MSN: variants seen among roughly 807,000 people sequenced by gnomAD.
MSN encodes the protein epididymis luminal protein 70.
A neutral mutation model predicts 48.0 loss-of-function variants in MSN; 2 were observed. The observed-to-expected ratio is 0.04, with a 90% CI of 0.02 to 0.13. The LOEUF (loss-of-function observed/expected upper bound fraction) is 0.13, where lower values mean the gene tolerates loss of function less well. Among genes scored for constraint, MSN ranks in the 10% least tolerant of loss-of-function variants. The probability of loss-of-function intolerance (pLI) is 1.00; values close to 1 mark genes in which losing one functional copy is unlikely to be tolerated. For missense variants in MSN, 267 were observed against 470.1 expected, an observed-to-expected ratio of 0.57 and a Z score of 3.99; for synonymous variants, 146 against 166.9, an observed-to-expected ratio of 0.87 and a Z score of 0.97.
chrX:65,677,313 G>A, intron 1 of MSN, among the ~76,000 whole-genome samples: 1 of 112,288 alleles, frequency 8.9e-6, no homozygotes, highest in Middle Eastern at 4.6e-3. Flanking sequence ...CTATTTTCAA[G>A]GGTTTTAAGT....
chrX:65,628,766 T>C (rs1446401375), intron 1 of MSN, among the ~76,000 whole-genome samples: 1 of 111,326 alleles, frequency 9.0e-6, no homozygotes, highest in Non-Finnish European at 1.9e-5. Context: ...GTTTCCTTTT[T>C]AAAACAGAAT....
intron 1 of MSN, among the ~76,000 whole-genome samples, chrX:65,684,660 A>G (rs1480299284): frequency 1.8e-5 from 2 of 110,084 alleles, no homozygotes; most frequent in African/African-American, 6.6e-5. Context: ...CTGGTCTCGA[A>G]CTCCTGACCT....
intron 4 of MSN, 91 bp downstream of exon 4, chrX:65,729,803 GTTC>G: frequency 2.1e-6 from 2 of 967,800 alleles, no homozygotes; most frequent in Non-Finnish European, 2.8e-6. Context: ...TGCCAGATCT[GTTC>G]TTCTCCATTG....
chrX:65,716,538 A>G (rs2071466987), intron 1 of MSN: 1 of 374,656 alleles, frequency 2.7e-6, no homozygotes, highest in Non-Finnish European at 5.0e-6. Context: ...GGCCTCCCAA[A>G]GTGCTGGGAT....
At chrX:65,646,622 G>A (rs2070696387) in intron 1 of MSN, among the ~76,000 whole-genome samples, 1 of 111,953 alleles carries the variant, frequency 8.9e-6, no homozygotes, top group Non-Finnish European at 1.9e-5. Flanking sequence ...ACTATAAGCA[G>A]TTTCTCATTA....
chrX:65,654,362 C>T (rs1200541190), intron 1 of MSN, among the ~76,000 whole-genome samples: 3 of 109,311 alleles, frequency 2.7e-5, no homozygotes, highest in Admixed American at 9.9e-5. Context: ...ACCTCGTGAT[C>T]GGCCCTCCTC....
At chrX:65,686,301 T>C (rs2071114391) in intron 1 of MSN, among the ~76,000 whole-genome samples, 1 of 112,606 alleles carries the variant, frequency 8.9e-6, no homozygotes, top group Non-Finnish European at 1.9e-5. Context: ...CCCACCTTTC[T>C]CTTGCCTTTT....
intron 1 of MSN, among the ~76,000 whole-genome samples, chrX:65,612,550 A>G (rs1422334620): frequency 4.9e-5 from 1 of 20,249 alleles, no homozygotes; most frequent in Non-Finnish European, 9.4e-5. Flanking sequence ...GTTTCTTCGT[A>G]ATGGTTTTTT....
At chrX:65,709,670 G>A (rs1256721562) in intron 1 of MSN, among the ~76,000 whole-genome samples, 3 of 112,574 alleles carry the variant, frequency 2.7e-5, no homozygotes, top group Non-Finnish European at 5.6e-5. Flanking sequence ...CGTACTTTGG[G>A]CCAGCACTGG....
At chrX:65,594,385 G>A (rs1464353632) in intron 1 of MSN, among the ~76,000 whole-genome samples, 1 of 110,182 alleles carries the variant, frequency 9.1e-6, no homozygotes, top group Non-Finnish European at 1.9e-5. Context: ...CCCTGTTCTA[G>A]GCAGCAGCAA....
chrX:65,683,480 A>G (rs1027825353), intron 1 of MSN, among the ~76,000 whole-genome samples: 2 of 95,421 alleles, frequency 2.1e-5, no homozygotes, highest in Non-Finnish European at 4.0e-5. Flanking sequence ...TTATCTTTGC[A>G]GACTTGGTAT....
chrX:65,634,548 G>A (rs748905166), intron 1 of MSN, among the ~76,000 whole-genome samples: 4 of 110,974 alleles, frequency 3.6e-5, no homozygotes, highest in Non-Finnish European at 5.7e-5. Flanking sequence ...GGGAGGCAGA[G>A]GTTGTAGTGA....
intron 2 of MSN, among the ~76,000 whole-genome samples, chrX:65,727,126 G>A (rs1192089349): frequency 8.9e-6 from 1 of 111,851 alleles, no homozygotes; most frequent in African/African-American, 3.3e-5. Context: ...TCAGAACCCA[G>A]GCACAGCATG....
intron 1 of MSN, among the ~76,000 whole-genome samples, chrX:65,660,808 G>A (rs1441882365): frequency 3.6e-5 from 4 of 110,247 alleles, no homozygotes; most frequent in Admixed American, 9.7e-5. Flanking sequence ...CTCGTGATCC[G>A]CCCACCTCGG....
intron 2 of MSN, among the ~76,000 whole-genome samples, chrX:65,721,609 TC>T (rs2071517365): frequency 9.0e-6 from 1 of 111,329 alleles, no homozygotes; most frequent in Admixed American, 9.6e-5. Flanking sequence ...TAGGAGGATC[TC>T]CATCTTACAG....
At chrX:65,636,747 C>CAAA (rs1219240320) in intron 1 of MSN, among the ~76,000 whole-genome samples, 548 of 6,332 alleles carry the variant, frequency 0.087, 148 homozygotes, top group African/African-American at 0.2. Context: ...AACTCCATCT[C>CAAA]AAAAAAAAAA....
At chrX:65,610,354 T>A (rs764876200) in intron 1 of MSN, among the ~76,000 whole-genome samples, 4 of 112,732 alleles carry the variant, frequency 3.5e-5, no homozygotes, top group Non-Finnish European at 5.6e-5. Flanking sequence ...TGTCTTTATA[T>A]AATATTTGTC....
At chrX:65,670,713 A>C (rs1382550974) in intron 1 of MSN, among the ~76,000 whole-genome samples, 1 of 104,515 alleles carries the variant, frequency 9.6e-6, no homozygotes, top group Non-Finnish European at 2.0e-5. Flanking sequence ...ACAGAGTGAG[A>C]CTCCATCTCA....
At chrX:65,606,399 T>G (rs1459018791) in intron 1 of MSN, among the ~76,000 whole-genome samples, 1 of 109,979 alleles carries the variant, frequency 9.1e-6, no homozygotes, top group Non-Finnish European at 1.9e-5. Context: ...AGTACTGGGA[T>G]TACAGGTGTG....
Sources: allele counts gnomAD v4.1 joint callset (sites outside exome capture counted in the v4.1 genomes callset), GRCh38; gene constraint gnomAD v4.1.1; transcripts MANE v1.5; gene names NCBI Gene and HGNC (gene_info 2026-07-23, HGNC 2026-07-21).